LZTR1: variants seen among roughly 807,000 people sequenced by gnomAD.
The protein encoded by LZTR1 is leucine zipper like post translational regulator 1, also known as leucine-zipper-like transcriptional regulator 1.
A neutral mutation model predicts 105.7 loss-of-function variants in LZTR1; 260 were observed. That is an observed-to-expected ratio of 2.46 (90% CI 2.22 to 2.72). LZTR1 has a LOEUF of 2.72. Ranked by LOEUF, LZTR1 falls within the 30% of genes most tolerant of loss-of-function variation. LZTR1 has a pLI of 0.00. For missense variants in LZTR1, 1,214 were observed against 1,166.9 expected (o/e 1.04, Z -0.59); for synonymous variants, 490 against 476.4 (o/e 1.03, Z -0.37).
At chr22:20,992,620 C>A in intron 10 of LZTR1, 174 bp from the exon 11 acceptor site, 1 of 629,316 alleles carries the variant, frequency 1.6e-6, no homozygotes, top group Non-Finnish European at 2.8e-6. Context: ...CACTCGCCTA[C>A]ATGGGTACCA....
At chr22:20,997,025 G>T in intron 20 of LZTR1, 59 bp downstream of exon 20, 1 of 1,567,846 alleles carries the variant, frequency 6.4e-7, no homozygotes. Flanking sequence ...CCATGCCCAG[G>T]CAGGGAGGGT....
Position 20,994,020 on chromosome 22 carries a change from G to C in LZTR1, c.1449+1G>C. On this transcript the variant is annotated splice_donor_variant, in intron 13 of 20. Coordinates refer to ENST00000646124, the MANE Select transcript of LZTR1 (RefSeq NM_006767.4). LOFTEE classifies it high-confidence loss of function. The stretch of plus-strand genomic sequence containing the variant: ...GCAGGCGCGGGAGAGGCTGGCCCAG[G>C]TGAGGTGCCTAACCGCCCTGCCCTG... The C allele has an allele frequency of 6.2e-7, 1 of 1,605,640 alleles. No homozygotes were observed. Among genetic ancestry groups the C allele is most frequent in the Non-Finnish European group, 8.5e-7 (1 of 1,177,612 alleles).
At position 20,991,823 on chromosome 22, in the gene LZTR1, C is replaced by T. The variant is rs1924618893; in HGVS notation, c.987C>T (p.Asp329=). 6.5e-7 allele frequency: 1 copy of T among 1,549,088 alleles called. No individual in the cohort carries two copies. Among genetic ancestry groups the T allele is most frequent in the Non-Finnish European group, 8.7e-7 (1 of 1,146,296 alleles). The part of the protein sequence containing the change: ...QTWEVVQPSS[D]SEVGGAEVPE... ...GGGAGGTCGTCCAGCCCAGCTCCGA[C>T]AGCGAGGTGAGGGTGCCCAGGGGTG... The change falls in exon 9 of 21, where the codon GAC becomes GAT. Residue 329 remains aspartate, a synonymous_variant. Transcript: ENST00000646124.
intron 9 of LZTR1, 55 bp downstream of exon 9, chr22:20,991,884 C>T (rs2147965150): frequency 6.9e-7 from 1 of 1,459,124 alleles, no homozygotes; most frequent in East Asian, 2.5e-5. Context: ...TAGCTCCTAC[C>T]CTGCTCCCAC....
At position 20,996,812 on chromosome 22, in the gene LZTR1, A is replaced by G. The variant is rs749141586; in HGVS notation, c.2325+11A>G. ...CAGAACGTGCTGCAGGTAGCCCCCCAGCCCCGTGCACATGGCTGCAGCTCC... is the reference window on the plus strand; with the variant it reads ...CAGAACGTGCTGCAGGTAGCCCCCCGGCCCCGTGCACATGGCTGCAGCTCC... On this transcript the variant is annotated intron_variant, in intron 19 of 20. Transcript: ENST00000646124. The G allele has an allele frequency of 1.9e-6, 3 of 1,613,374 alleles. No homozygotes were observed. The highest frequency in any genetic ancestry group is 3.3e-4 in the Middle Eastern group (2 of 6,062).
In LZTR1 at chr22:20,994,545, C is replaced by T; in HGVS notation, c.1616-13C>T. On this transcript the variant is annotated splice_polypyrimidine_tract_variant and intron_variant, in intron 14 of 20. Coordinates refer to ENST00000646124, the MANE Select transcript of LZTR1 (RefSeq NM_006767.4). The stretch of plus-strand genomic sequence containing the variant: ...TCTCCGGCTCCCTGAGATTCGGGGG[C>T]TCTGGGGCGCAGGCCATGTGGAGGA... 1.2e-6 allele frequency: 2 copies of T among 1,605,962 alleles called. No individual in the cohort carries two copies. The highest frequency in any genetic ancestry group is 1.1e-5 in the South Asian group (1 of 91,028).
intron 2 of LZTR1, 69 bp from the exon 3 acceptor site, chr22:20,985,772 G>T: frequency 6.9e-7 from 1 of 1,452,396 alleles, no homozygotes; most frequent in Admixed American, 1.7e-5. Flanking sequence ...GCTACATGCA[G>T]TGCCCATCTC....
intron 16 of LZTR1, 29 bp from the exon 17 acceptor site, chr22:20,995,717 T>C: frequency 6.2e-7 from 1 of 1,612,666 alleles, no homozygotes; most frequent in Non-Finnish European, 8.5e-7. Flanking sequence ...TCCCAGGCTG[T>C]ACCTGCTCAG....
intron 18 of LZTR1, 57 bp downstream of exon 18, chr22:20,996,169 C>G: frequency 6.3e-7 from 1 of 1,584,092 alleles, no homozygotes; most frequent in South Asian, 1.1e-5. Flanking sequence ...TGGCACCCAC[C>G]TCAGGTGGCT....
chr22:20,983,115 T>C, intron 2 of LZTR1, 26 bp downstream of exon 2: 1 of 1,607,074 alleles, frequency 6.2e-7, no homozygotes, highest in South Asian at 1.1e-5. Flanking sequence ...CATCAGTGTT[T>C]GGACCAGGTA....
At chr22:20,984,627 G>A (rs933940730) in intron 2 of LZTR1, among the ~76,000 whole-genome samples, 1 of 149,926 alleles carries the variant, frequency 6.7e-6, no homozygotes, top group African/African-American at 2.5e-5. Flanking sequence ...GGGGGGGGCG[G>A]TATCACAATC....
At position 20,988,118 on chromosome 22, in the gene LZTR1, G is replaced by A. The variant is rs781431741; in HGVS notation, c.509G>A (p.Arg170Gln). The stretch of plus-strand genomic sequence containing the variant: ...TGGACGGAGTGGAAAATTGAAGGAC[G>A]GTGAGAAACTTTGCAGAAACATTTG... ...GQWTEWKIEG[R>Q]LPVARSAHGA... is the part of the protein sequence containing the mutation. The change falls in exon 5 of 21, where the codon CGG becomes CAG. Residue 170 changes from arginine (R) to glutamine (Q), a missense_variant and splice_region_variant. By Grantham distance (43) the Arg-to-Gln change is conservative. Transcript: ENST00000646124. 25 of 1,595,194 alleles carry A rather than the reference G, an allele frequency of 1.6e-5. No individual in the cohort carries two copies. Among genetic ancestry groups the A allele is most frequent in the African/African-American group, 2.7e-5 (2 of 74,470 alleles).
chr22:20,993,644 A>G lies in LZTR1; in HGVS notation c.1261-18A>G. The G allele has an allele frequency of 6.2e-7, 1 of 1,608,082 alleles. No individual in the cohort carries two copies. Among genetic ancestry groups the G allele is most frequent in the Non-Finnish European group, 8.5e-7 (1 of 1,175,884 alleles). ...CCTGCTGTCTGCAACATCTAGTCTC[A>G]CTGGGCCCCTCTTGCAGTTCTCCTG... is the stretch of plus-strand genomic sequence containing the variant. On this transcript the variant is annotated intron_variant, in intron 11 of 20. Coordinates refer to ENST00000646124, the MANE Select transcript of LZTR1 (RefSeq NM_006767.4).
chr22:20,987,642 C>A, intron 4 of LZTR1, 59 bp downstream of exon 4: 1 of 1,455,080 alleles, frequency 6.9e-7, no homozygotes, highest in Non-Finnish European at 9.7e-7. Flanking sequence ...GACACCCTGC[C>A]CTTCTGCAGG....
chr22:20,992,898 GTT>G lies in LZTR1; in HGVS notation c.1255_1256del (p.Phe419ProfsTer7). 1 of 1,594,806 alleles carries G rather than the reference GTT, an allele frequency of 6.3e-7. No homozygotes were observed. The highest frequency in any genetic ancestry group is 8.6e-7 in the Non-Finnish European group (1 of 1,168,112). The part of the protein sequence containing the change: ...NNIRSGEMYR[F>X]QFSCYPKCTL... The stretch of plus-strand genomic sequence containing the variant: ...ACATCCGCAGCGGGGAGATGTACAG[GTT>G]CCAGGTGTGGGGCCTGTGGGCCTGT... On this transcript the variant is annotated frameshift_variant, in exon 11 of 21. Coordinates refer to ENST00000646124, the MANE Select transcript of LZTR1 (RefSeq NM_006767.4). LOFTEE classifies it high-confidence loss of function.
At chr22:20,983,142 T>C in intron 2 of LZTR1, 53 bp downstream of exon 2, 2 of 1,505,360 alleles carry the variant, frequency 1.3e-6, no homozygotes, top group Non-Finnish European at 1.9e-6. Flanking sequence ...AGTACTGTGG[T>C]CAGGGACTGG....
In LZTR1 at chr22:20,988,036, A is replaced by G. The variant is rs761578600; in HGVS notation, c.427A>G (p.Asn143Asp). 6.2e-7 allele frequency: 1 copy of G among 1,610,924 alleles called. No individual in the cohort carries two copies. Among genetic ancestry groups the G allele is most frequent in the South Asian group, 1.1e-5 (1 of 91,014 alleles). Residue 143 changes from asparagine to aspartate, a missense_variant, in exon 5 of 21, where the codon AAT becomes GAT. Transcript: ENST00000646124. ...GGGTTACACTGGGGACATTTATTCC[A>G]ATTCTAACTTGAAGAATAAAAACGA... ...FGGYTGDIYSNSNLKNKNDLF... is the reference protein window; with the variant it reads ...FGGYTGDIYSDSNLKNKNDLF...
chr22:20,985,477 T>C (rs1009883703), intron 2 of LZTR1, among the ~76,000 whole-genome samples: 1 of 139,682 alleles, frequency 7.2e-6, no homozygotes, highest in African/African-American at 3.4e-5. Flanking sequence ...AGGAAGGGGA[T>C]TGGGACGTGT....
At position 20,997,449 on chromosome 22, in the gene LZTR1, C is replaced by T. The variant is rs549124063; in HGVS notation, c.*101C>T. 2.0e-5 allele frequency: 18 copies of T among 920,464 alleles called. No individual in the cohort carries two copies. The highest frequency in any genetic ancestry group is 3.0e-5 in the Non-Finnish European group (17 of 574,244). The allele number at this position is 920,464 out of a possible 1,614,324, so 57.0% of individuals were successfully genotyped here. Reference sequence around the variant, plus strand: ...GCGCATGCCTATGGCAGTGGGTGCACCTGCCAGGCCAAGGGTCAGGGTGCC... The same window carrying T: ...GCGCATGCCTATGGCAGTGGGTGCATCTGCCAGGCCAAGGGTCAGGGTGCC... On this transcript the variant is annotated 3_prime_UTR_variant, in exon 21 of 21. Transcript: ENST00000646124.
Sources: allele counts gnomAD v4.1 joint callset (sites outside exome capture counted in the v4.1 genomes callset), GRCh38; gene constraint gnomAD v4.1.1; transcripts MANE v1.5; gene names NCBI Gene and HGNC (gene_info 2026-07-23, HGNC 2026-07-21).